Variants in SCD5 observed in about 807,000 individuals in gnomAD.
SCD5 encodes the protein acyl-CoA-desaturase 4.
Under a neutral mutation model 30.4 loss-of-function variants are expected in SCD5, and 20 were observed. The ratio of observed to expected loss-of-function variants is 0.66; its 90% confidence interval spans 0.46 to 0.96. The LOEUF is 0.96. Among genes scored for constraint, SCD5 ranks in the 40% least tolerant of loss-of-function variants. The probability of loss-of-function intolerance (pLI) is 0.00; values close to 1 mark genes in which losing one functional copy is unlikely to be tolerated. For missense variants in SCD5, 381 were observed against 443.3 expected, an observed-to-expected ratio of 0.86 and a Z score of 1.26; for synonymous variants, 173 against 176.4, an observed-to-expected ratio of 0.98 and a Z score of 0.16.
At chr4:82,791,024 G>A (rs1245874812) in intron 1 of SCD5, among the ~76,000 whole-genome samples, 2 of 152,118 alleles carry the variant, frequency 1.3e-5, no homozygotes, top group Non-Finnish European at 2.9e-5. Flanking sequence ...TGGATCATGA[G>A]GTCAGGAGAC....
chr4:82,723,706 C>T (rs1329299124), intron 1 of SCD5, among the ~76,000 whole-genome samples: 3 of 152,152 alleles, frequency 2.0e-5, no homozygotes, highest in Admixed American at 6.5e-5. Context: ...TCAACCATGC[C>T]GGTAAGACTC....
At chr4:82,760,279 C>T (rs1721334936) in intron 1 of SCD5, among the ~76,000 whole-genome samples, 1 of 152,120 alleles carries the variant, frequency 6.6e-6, no homozygotes, top group African/African-American at 2.4e-5. Flanking sequence ...GATTTTCCAC[C>T]ATCCATGCCC....
chr4:82,749,343 C>G (rs1278896780), intron 1 of SCD5, among the ~76,000 whole-genome samples: 1 of 152,130 alleles, frequency 6.6e-6, no homozygotes, highest in African/African-American at 2.4e-5. Flanking sequence ...AGTCTCTCAC[C>G]CTGGTAGGGA....
chr4:82,631,342 T>C lies in SCD5; in HGVS notation c.978A>G (p.Gly326=), dbSNP rs777354414. The part of the protein sequence containing the change: ...PMIEARKART[G]DSSA ...TGTTCCAAGTTCAAGCACTGCTGTC[T>C]CCAGTCCTGGCCTTCCGGGCCTCGA... The change falls in exon 5 of 5, where the codon GGA becomes GGG. Residue 326 remains glycine, a synonymous_variant. Coordinates refer to ENST00000319540, the MANE Select transcript of SCD5 (RefSeq NM_001037582.3). The C allele has an allele frequency of 6.2e-7, 1 of 1,613,934 alleles. No individual in the cohort carries two copies. The highest frequency in any genetic ancestry group is 8.5e-7 in the Non-Finnish European group (1 of 1,179,978).
intron 1 of SCD5, among the ~76,000 whole-genome samples, chr4:82,764,161 A>C (rs921639005): frequency 2.0e-5 from 3 of 152,186 alleles, no homozygotes; most frequent in Non-Finnish European, 4.4e-5. Flanking sequence ...TCCTACAACT[A>C]TGTAAATTTA....
intron 1 of SCD5, among the ~76,000 whole-genome samples, chr4:82,747,068 T>TCCCCCCCC (rs772385416): frequency 2.5e-5 from 2 of 81,178 alleles, no homozygotes; most frequent in Admixed American, 1.2e-4. Flanking sequence ...CTGGGCAACC[T>TCCCCCCCC]GCCCCCCAAG....
chr4:82,746,887 T>C (rs570809581), intron 1 of SCD5, among the ~76,000 whole-genome samples: 1 of 152,204 alleles, frequency 6.6e-6, no homozygotes, highest in Non-Finnish European at 1.5e-5. Flanking sequence ...AAGACCCCTC[T>C]GGCCTACCAC....
At chr4:82,777,709 C>T (rs985054610) in intron 1 of SCD5, among the ~76,000 whole-genome samples, 35 of 152,106 alleles carry the variant, frequency 2.3e-4, no homozygotes, top group African/African-American at 8.5e-4. Flanking sequence ...GTATCTTGGT[C>T]GCCTCCCTGC....
chr4:82,757,011 G>A (rs1013514505), intron 1 of SCD5, among the ~76,000 whole-genome samples: 1 of 152,016 alleles, frequency 6.6e-6, no homozygotes, highest in Non-Finnish European at 1.5e-5. Flanking sequence ...GATTATAGGC[G>A]TGAGCCACTA....
intron 1 of SCD5, among the ~76,000 whole-genome samples, chr4:82,781,125 G>C (rs560237676): frequency 6.6e-6 from 1 of 152,284 alleles, no homozygotes; most frequent in African/African-American, 2.4e-5. Flanking sequence ...AAGAAAAAAG[G>C]ACTTGAGGGC....
intron 1 of SCD5, among the ~76,000 whole-genome samples, chr4:82,709,677 T>C (rs1420974340): frequency 1.3e-5 from 2 of 152,184 alleles, no homozygotes; most frequent in Non-Finnish European, 2.9e-5. Context: ...AAACATAAAC[T>C]TATCATTTGT....
At chr4:82,660,760 A>G in intron 3 of SCD5, 2 of 1,544,148 alleles carry the variant, frequency 1.3e-6, no homozygotes, top group Non-Finnish European at 1.7e-6. Context: ...ATGTTAGCAC[A>G]GACTGCAGCT....
At chr4:82,673,129 T>C (rs1024505947) in intron 3 of SCD5, among the ~76,000 whole-genome samples, 23 of 152,136 alleles carry the variant, frequency 1.5e-4, no homozygotes, top group Non-Finnish European at 2.5e-4. Context: ...TGTACCCTCT[T>C]ATCACTCCCT....
chr4:82,704,985 G>C (rs1300508654), intron 2 of SCD5, among the ~76,000 whole-genome samples: 1 of 152,248 alleles, frequency 6.6e-6, no homozygotes, highest in Non-Finnish European at 1.5e-5. Flanking sequence ...TTGGCCCCTG[G>C]TTAGGGCTGG....
intron 1 of SCD5, among the ~76,000 whole-genome samples, chr4:82,759,942 T>A (rs567065050): frequency 1.5e-3 from 228 of 152,292 alleles, no homozygotes; most frequent in Admixed American, 2.9e-3. Context: ...CTGCCTCTTG[T>A]GCTGGAGCCA....
In SCD5 at chr4:82,729,488, C is replaced by A. The variant is rs568586617; in HGVS notation, c.233-24075G>T. ...CTGGATTTCACCCTCCCCCCGGCAT[C>A]TCCCAGCACACAGCTCTGCATCCCA... On this transcript the variant is annotated intron_variant, in intron 1 of 4. Transcript: ENST00000319540. 2.0e-5 allele frequency among the ~76,000 whole-genome samples: 3 copies of A among 152,270 alleles called. No homozygotes were observed. In the East Asian group the frequency reaches 5.8e-4, roughly 29 times the overall value.
Position 82,631,378 on chromosome 4 carries a change from G to C in SCD5, c.942C>G (p.Thr314=). Residue 314 remains threonine (T), a synonymous_variant, in exon 5 of 5, where the codon ACC becomes ACG. Coordinates refer to ENST00000319540, the MANE Select transcript of SCD5 (RefSeq NM_001037582.3). ...CCTTCCGGGCCTCGATCATCGGCTT[G>C]GTTGCCCGTTTGCGGTCAGTGGCCA... is the stretch of plus-strand genomic sequence containing the variant. ...LGLATDRKRA[T]KPMIEARKAR... 1 of 1,612,626 alleles carries C rather than the reference G, an allele frequency of 6.2e-7. No homozygotes were observed.
intron 1 of SCD5, chr4:82,753,518 C>T (rs1198721252): frequency 1.3e-5 from 6 of 449,000 alleles, no homozygotes; most frequent in Admixed American, 2.4e-5. Context: ...AGGAGTGTGG[C>T]TCTTTGTGGG....
At chr4:82,697,545 A>G (rs922909031) in intron 2 of SCD5, among the ~76,000 whole-genome samples, 1 of 152,144 alleles carries the variant, frequency 6.6e-6, no homozygotes, top group Non-Finnish European at 1.5e-5. Context: ...ATTTTCTTAG[A>G]TGATTTCTCT....
Sources: allele counts gnomAD v4.1 joint callset (sites outside exome capture counted in the v4.1 genomes callset), GRCh38; gene constraint gnomAD v4.1.1; transcripts MANE v1.5; gene names NCBI Gene and HGNC (gene_info 2026-07-23, HGNC 2026-07-21).